OR1B1: variants seen among roughly 807,000 people sequenced by gnomAD.
OR1B1 encodes the protein olfactory receptor 1B1.
For missense variants in OR1B1, 414 were observed against 402.1 expected, an observed-to-expected ratio of 1.03 and a Z score of -0.25; for synonymous variants, 168 against 156.2, an observed-to-expected ratio of 1.08 and a Z score of -0.57.
At chr9:122,640,271 CT>C in the OR1B1 span, among the ~76,000 whole-genome samples, 1 of 152,052 alleles carries the variant, frequency 6.6e-6, no homozygotes, top group African/African-American at 2.4e-5. Context: ...GTGGTTATCT[CT>C]TTTCTATATA....
chr9:122,644,440 G>A, the OR1B1 span, among the ~76,000 whole-genome samples: 130 of 152,334 alleles, frequency 8.5e-4, no homozygotes, highest in African/African-American at 3.0e-3. Flanking sequence ...CTTAGCCACG[G>A]TAGAATAGAA....
exon 1 of OR1B1, chr9:122,629,486 A>G (rs554283484): frequency 2.5e-6 from 4 of 1,578,422 alleles, no homozygotes; most frequent in Admixed American, 1.7e-5. Context: ...CGAGAACCCA[A>G]GGAGCAAAAA....
At chr9:122,650,068 T>TA in the OR1B1 span, among the ~76,000 whole-genome samples, 4 of 151,608 alleles carry the variant, frequency 2.6e-5, no homozygotes, top group Non-Finnish European at 4.4e-5. Flanking sequence ...TATGCAGTCA[T>TA]AAAAAAAAGG....
the OR1B1 span, among the ~76,000 whole-genome samples, chr9:122,646,039 G>T: frequency 6.6e-6 from 1 of 152,072 alleles, no homozygotes; most frequent in African/African-American, 2.4e-5. Context: ...AAGTTTAAAA[G>T]CGAGGGGAAA....
chr9:122,644,214 C>T, the OR1B1 span, among the ~76,000 whole-genome samples: 1 of 152,150 alleles, frequency 6.6e-6, no homozygotes, highest in Non-Finnish European at 1.5e-5. Context: ...TGCTCTGGGC[C>T]AGTGGGGAGC....
downstream of OR1B1, chr9:122,628,529 A>G: frequency 7.9e-7 from 1 of 1,258,606 alleles, no homozygotes; most frequent in Non-Finnish European, 1.1e-6. Context: ...TCTGCTCAGA[A>G]TATGCCCATG....
chr9:122,643,012 T>C, the OR1B1 span, among the ~76,000 whole-genome samples: 2 of 152,180 alleles, frequency 1.3e-5, no homozygotes, highest in Non-Finnish European at 2.9e-5. Context: ...ATAATAATTG[T>C]TTTTGTTGAT....
At chr9:122,629,856 C>A (rs571598996), upstream of OR1B1, among the ~76,000 whole-genome samples, 1 of 152,276 alleles carries the variant, frequency 6.6e-6, no homozygotes, top group Admixed American at 6.5e-5. Context: ...TATTTCTTAT[C>A]TTTTTCCAGT....
exon 1 of OR1B1, chr9:122,629,249 G>A (rs756056456): frequency 1.9e-6 from 3 of 1,614,168 alleles, no homozygotes; most frequent in Non-Finnish European, 2.5e-6. Flanking sequence ...GCAGCGGGCA[G>A]CAGGAATGGT....
At chr9:122,643,515 G>C in the OR1B1 span, among the ~76,000 whole-genome samples, 2 of 152,176 alleles carry the variant, frequency 1.3e-5, no homozygotes, top group African/African-American at 2.4e-5. Flanking sequence ...TCGGGTCCTA[G>C]GTAAACTTTA....
chr9:122,649,289 C>T, the OR1B1 span, among the ~76,000 whole-genome samples: 234 of 152,202 alleles, frequency 1.5e-3, no homozygotes, highest in Non-Finnish European at 2.9e-3. Context: ...GACCTAAAAC[C>T]ATAAAAACCC....
chr9:122,647,925 T>A, the OR1B1 span, among the ~76,000 whole-genome samples: 1 of 152,216 alleles, frequency 6.6e-6, no homozygotes, highest in Admixed American at 6.5e-5. Flanking sequence ...TCTCCAACAG[T>A]GTTTATATAT....
chr9:122,647,909 T>C, the OR1B1 span, among the ~76,000 whole-genome samples: 1 of 152,242 alleles, frequency 6.6e-6, no homozygotes, highest in Non-Finnish European at 1.5e-5. Context: ...CGATTTTTCC[T>C]ATCATTCTCC....
At chr9:122,649,323 A>G in the OR1B1 span, among the ~76,000 whole-genome samples, 1 of 152,228 alleles carries the variant, frequency 6.6e-6, no homozygotes, top group Non-Finnish European at 1.5e-5. Flanking sequence ...AGGCAATACC[A>G]TTCAGGACAT....
At chr9:122,656,500 T>A in the OR1B1 span, among the ~76,000 whole-genome samples, 2 of 151,500 alleles carry the variant, frequency 1.3e-5, no homozygotes, top group Admixed American at 1.3e-4. Context: ...AAAAAAAAAA[T>A]GAGTCTGACC....
upstream of OR1B1, among the ~76,000 whole-genome samples, chr9:122,630,030 A>G (rs1830190150): frequency 6.6e-6 from 1 of 152,216 alleles, no homozygotes; most frequent in Admixed American, 6.5e-5. Context: ...TTCTTTCGAC[A>G]TAGCTGACTT....
At chr9:122,636,187 AT>A in the OR1B1 span, among the ~76,000 whole-genome samples, 2 of 152,110 alleles carry the variant, frequency 1.3e-5, no homozygotes, top group Non-Finnish European at 2.9e-5. Context: ...TTAGTGGAGC[AT>A]TTTTTGCTTT....
At chr9:122,655,211 T>A in the OR1B1 span, among the ~76,000 whole-genome samples, 63 of 152,014 alleles carry the variant, frequency 4.1e-4, no homozygotes, top group African/African-American at 1.5e-3. Context: ...TGATGAGGGG[T>A]CAAAGAGGAA....
exon 1 of OR1B1, chr9:122,628,732 A>G (rs770062493): frequency 6.8e-6 from 11 of 1,613,928 alleles, no homozygotes; most frequent in Non-Finnish European, 8.5e-6. Flanking sequence ...TCTGGAAGGG[A>G]GGCTGGAAGT....
Sources: gnomAD v4.1 joint callset for allele counts (sites outside exome capture counted in the v4.1 genomes callset) on GRCh38, gnomAD v4.1.1 for gene constraint, MANE v1.5 for transcripts, NCBI Gene and HGNC (gene_info 2026-07-23, HGNC 2026-07-21) for gene names.